The following TRIM15 variants were observed in gnomAD, a reference collection of about 807,000 sequenced individuals.
TRIM15 encodes the protein E3 ubiquitin-protein ligase TRIM15.
In TRIM15, 35 loss-of-function variants were observed where a neutral mutation model predicts 35.8. The ratio of observed to expected loss-of-function variants is 0.98; its 90% confidence interval spans 0.75 to 1.30. TRIM15 has a LOEUF of 1.30. Ranked by LOEUF, TRIM15 falls within the 50% of genes most tolerant of loss-of-function variation. TRIM15 has a pLI of 0.00. For missense variants in TRIM15, 590 were observed against 593.5 expected, an observed-to-expected ratio of 0.99 and a Z score of 0.06; for synonymous variants, 252 against 249.8, an observed-to-expected ratio of 1.01 and a Z score of -0.08.
At chr6:30,171,140 T>C (rs1396900270) in intron 6 of TRIM15, 132 bp downstream of exon 6, 15 of 1,020,406 alleles carry the variant, frequency 1.5e-5, no homozygotes, top group Non-Finnish European at 2.2e-5. Flanking sequence ...TTGCTAGCTC[T>C]GAGACACTGG....
rs754831458 is a variant in TRIM15, at chr6:30,171,876, C to T, written c.925C>T (p.Leu309Phe). The T allele has an allele frequency of 1.8e-5, 29 of 1,593,868 alleles. No homozygotes were observed. Among genetic ancestry groups the T allele is most frequent in the African/African-American group, 2.7e-5 (2 of 74,360 alleles). Reference protein sequence around the residue: ...DPQTASRSLVLSEDRKSVRYT... With the variant: ...DPQTASRSLVFSEDRKSVRYT... The stretch of plus-strand genomic sequence containing the variant: ...TCAGACCGCCAGCCGGAGCCTGGTT[C>T]TCTCGGAAGACAGGAAGTCAGTGAG... The change falls in exon 7 of 7, where the codon CTC (leucine) becomes TTC (phenylalanine). Residue 309 changes from leucine (L) to phenylalanine (F), a missense_variant. Transcript: ENST00000376694.
Position 30,171,882 on chromosome 6 carries a change from G to C in TRIM15, c.931G>C (p.Glu311Gln). The change falls in exon 7 of 7, where the codon GAA becomes CAA. Residue 311 changes from glutamate (E) to glutamine (Q), a missense_variant. Glu to Gln is a conservative substitution (Grantham distance 29). Coordinates refer to ENST00000376694, the MANE Select transcript of TRIM15 (RefSeq NM_033229.3). ...QTASRSLVLS[E>Q]DRKSVRYTRQ... ...CGCCAGCCGGAGCCTGGTTCTCTCG[G>C]AAGACAGGAAGTCAGTGAGGTACAC... The C allele has an allele frequency of 6.3e-7, 1 of 1,596,482 alleles. No homozygotes were observed. The highest frequency in any genetic ancestry group is 8.5e-7 in the Non-Finnish European group (1 of 1,171,404).
At position 30,166,565 on chromosome 6, in the gene TRIM15, TAAGA is replaced by T. The variant is rs375391690; in HGVS notation, c.382-610_382-607del. 7.2e-3 allele frequency among the ~76,000 whole-genome samples: 1,096 copies of T among 152,336 alleles called. 42 individuals are homozygous for T. In the South Asian group the frequency reaches 0.12, roughly 17 times the overall value. ...TGCCTCCAGCTTCATTCTTTTTGCT[TAAGA>T]TTGTATTGGCTATGTGGGCTCTTTA... is the stretch of plus-strand genomic sequence containing the variant. On this transcript the variant is annotated intron_variant, in intron 1 of 6. Transcript: ENST00000376694.
intron 3 of TRIM15, 126 bp from the exon 4 acceptor site, chr6:30,169,115 T>C: frequency 8.6e-7 from 1 of 1,157,216 alleles, no homozygotes; most frequent in Non-Finnish European, 1.3e-6. Flanking sequence ...AGTAGGTAAT[T>C]AAACAGGACA....
Position 30,168,543 on chromosome 6 carries a change from TCAC to T in TRIM15, c.708+17_708+19del, listed in dbSNP as rs1773780359. ...TGAGCTTCTACAAGTGAGAGACACT[TCAC>T]CACTTTGTAGGATAAGAGAGGGACT... On this transcript the variant is annotated intron_variant, in intron 3 of 6. Transcript: ENST00000376694. The T allele has an allele frequency of 4.5e-6, 7 of 1,569,272 alleles. No homozygotes were observed. In the South Asian group the frequency reaches 8.1e-5, roughly 18 times the overall value.
intron 1 of TRIM15, among the ~76,000 whole-genome samples, chr6:30,166,361 A>T (rs1773596154): frequency 6.6e-6 from 1 of 152,196 alleles, no homozygotes; most frequent in Non-Finnish European, 1.5e-5. Flanking sequence ...TAAATAGGGA[A>T]TCCTTTCCCC....
chr6:30,169,210 C>T (rs774524543), intron 3 of TRIM15, 31 bp from the exon 4 acceptor site: 1 of 1,613,120 alleles, frequency 6.2e-7, no homozygotes, highest in Admixed American at 1.7e-5. Context: ...CTTATGGAAA[C>T]TAAATGTATG....
chr6:30,172,024 G>T lies in TRIM15; in HGVS notation c.1073G>T (p.Gly358Val), dbSNP rs1427527773. Residue 358 changes from glycine to valine, a missense_variant, in exon 7 of 7, where the codon GGC becomes GTC. Physicochemically the swap from Gly to Val is moderately radical, Grantham distance 109. Coordinates refer to ENST00000376694, the MANE Select transcript of TRIM15 (RefSeq NM_033229.3). ...CGCTGGCAGGTTGACCTGCAGCTGG[G>T]CGACGGCGGCGGCTGCACGGTGGGG... is the stretch of plus-strand genomic sequence containing the variant. ...RHRWQVDLQL[G>V]DGGGCTVGVA... The T allele has an allele frequency of 1.3e-6, 2 of 1,572,454 alleles. No homozygotes were observed. The highest frequency in any genetic ancestry group is 1.2e-5 in the South Asian group (1 of 86,386).
At chr6:30,170,847 C>CA (rs1773962247) in intron 5 of TRIM15, 129 bp from the exon 6 acceptor site, 1 of 1,097,146 alleles carries the variant, frequency 9.1e-7, no homozygotes, top group African/African-American at 1.6e-5. Flanking sequence ...CCTTCTCCTC[C>CA]ACTAGACCAC....
Position 30,163,954 on chromosome 6 carries a change from C to A in TRIM15, c.270C>A (p.Ile90=). ...ACTGCGAGGAGCACGGCGAGAAGATCTACTTCTTCTGCGAGAACGATGCCG... is the reference window on the plus strand; with the variant it reads ...ACTGCGAGGAGCACGGCGAGAAGATATACTTCTTCTGCGAGAACGATGCCG... ...ETYCEEHGEK[I]YFFCENDAEF... is the part of the protein sequence containing the mutation. Residue 90 remains isoleucine (I), a synonymous_variant, in exon 1 of 7, where the codon ATC becomes ATA. Coordinates refer to ENST00000376694, the MANE Select transcript of TRIM15 (RefSeq NM_033229.3). 1 of 1,613,144 alleles carries A rather than the reference C, an allele frequency of 6.2e-7. No homozygotes were observed. Among genetic ancestry groups the A allele is most frequent in the East Asian group, 2.2e-5 (1 of 44,878 alleles).
rs987183893 is a variant in TRIM15, at chr6:30,172,115, C to T, written c.1164C>T (p.Ala388=). Residue 388 remains alanine (A), a synonymous_variant, in exon 7 of 7, where the codon GCC becomes GCT. Transcript: ENST00000376694. ...MGLSAEDGVW[A]VIISHQQCWA... is the part of the protein sequence containing the mutation. ...TCAGCGCCGAGGACGGCGTCTGGGC[C>T]GTGATCATCTCGCACCAGCAGTGCT... 1.3e-6 allele frequency: 2 copies of T among 1,580,590 alleles called. No homozygotes were observed. The highest frequency in any genetic ancestry group is 3.7e-5 in the Admixed American group (2 of 54,650).
At chr6:30,164,163 C>T (rs745848892) in intron 1 of TRIM15, 98 bp downstream of exon 1, 168 of 1,482,782 alleles carry the variant, frequency 1.1e-4, no homozygotes, top group Non-Finnish European at 1.3e-4. Flanking sequence ...AAGGCTTCCA[C>T]ATCAGGGAAC....
At chr6:30,170,229 T>C (rs575723627) in intron 4 of TRIM15, 1 of 406,864 alleles carries the variant, frequency 2.5e-6, no homozygotes, top group African/African-American at 2.0e-5. Context: ...ATGATCTCTG[T>C]CCCTCAGCCC....
rs767644320 is a variant in TRIM15 at position 30,171,962 on chromosome 6, G to A, written c.1011G>A (p.Ala337=). The A allele has an allele frequency of 1.9e-6, 3 of 1,592,974 alleles. No individual in the cohort carries two copies. Among genetic ancestry groups the A allele is most frequent in the Non-Finnish European group, 2.6e-6 (3 of 1,169,676 alleles). The change falls in exon 7 of 7, where the codon GCG becomes GCA. Residue 337 remains alanine (A), a synonymous_variant. Coordinates refer to ENST00000376694, the MANE Select transcript of TRIM15 (RefSeq NM_033229.3). ...CCCTGCGCTTCGACGGCCTCCCGGC[G>A]GTTCTGGGCTTCCCGGGCTTCTCCT... ...DSPLRFDGLP[A]VLGFPGFSSG...
intron 4 of TRIM15, 84 bp downstream of exon 4, chr6:30,169,347 C>T: frequency 1.9e-6 from 3 of 1,542,452 alleles, no homozygotes; most frequent in Non-Finnish European, 2.7e-6. Context: ...CTGCCACCCA[C>T]TTTGCCAGGA....
rs1413869089 is a variant in TRIM15 at position 30,164,057 on chromosome 6, C to A, written c.373C>A (p.Pro125Thr). The A allele has an allele frequency of 6.2e-7, 1 of 1,610,926 alleles. No homozygotes were observed. Among genetic ancestry groups the A allele is most frequent in the Admixed American group, 1.7e-5 (1 of 59,972 alleles). The change falls in exon 1 of 7, where the codon CCC becomes ACC. Residue 125 changes from proline to threonine, a missense_variant. Physicochemically the swap from Pro to Thr is conservative, Grantham distance 38. Transcript: ENST00000376694. ...GGGGTTCCTGGACGAGGCCATTCAG[C>A]CCTACCGGGTAAGAAGTGTAGCTTT... is the stretch of plus-strand genomic sequence containing the variant. ...TVGFLDEAIQ[P>T]YRDRLRSRLE...
chr6:30,171,987 T>G lies in TRIM15; in HGVS notation c.1036T>G (p.Ser346Ala), dbSNP rs1352433123. ...GGTTCTGGGCTTCCCGGGCTTCTCC[T>G]CCGGGCGCCACCGCTGGCAGGTTGA... ...PAVLGFPGFS[S>A]GRHRWQVDLQ... The change falls in exon 7 of 7, where the codon TCC becomes GCC. Residue 346 changes from serine (S) to alanine (A), a missense_variant. Coordinates refer to ENST00000376694, the MANE Select transcript of TRIM15 (RefSeq NM_033229.3). 1 of 1,584,194 alleles carries G rather than the reference T, an allele frequency of 6.3e-7. No homozygotes were observed. Among genetic ancestry groups the G allele is most frequent in the Non-Finnish European group, 8.6e-7 (1 of 1,164,854 alleles).
chr6:30,171,756 TC>T, intron 6 of TRIM15, 75 bp from the exon 7 acceptor site: 1 of 1,440,492 alleles, frequency 6.9e-7, no homozygotes, highest in South Asian at 1.5e-5. Flanking sequence ...TCCTTCTGCC[TC>T]CCACGTGCGT....
chr6:30,167,844 C>T (rs1431963804), intron 2 of TRIM15, among the ~76,000 whole-genome samples: 5 of 152,110 alleles, frequency 3.3e-5, no homozygotes, highest in Non-Finnish European at 5.9e-5. Context: ...GCAACCTATC[C>T]ACCATCCCTC....
Sources: allele counts gnomAD v4.1 joint callset (sites outside exome capture counted in the v4.1 genomes callset), GRCh38; gene constraint gnomAD v4.1.1; transcripts MANE v1.5; gene names NCBI Gene and HGNC (gene_info 2026-07-23, HGNC 2026-07-21).